Variants in ALK observed in about 807,000 individuals in gnomAD.
ALK encodes the protein ALK tyrosine kinase receptor.
Under a neutral mutation model 163.1 loss-of-function variants are expected in ALK, and 74 were observed. That is an observed-to-expected ratio of 0.45 (90% CI 0.38 to 0.55). The LOEUF (loss-of-function observed/expected upper bound fraction) is 0.55. Ranked by LOEUF, ALK falls within the 20% of genes least tolerant of loss-of-function variation. ALK has a pLI of 0.00. For missense variants in ALK, 2,063 were observed against 2,105.3 expected (o/e 0.98, Z 0.39); for synonymous variants, 960 against 843.2 (o/e 1.14, Z -2.40).
At chr2:29,859,296 G>A (rs948271980) in intron 1 of ALK, among the ~76,000 whole-genome samples, 1 of 152,206 alleles carries the variant, frequency 6.6e-6, no homozygotes, top group Non-Finnish European at 1.5e-5. Flanking sequence ...CAGGAGGTCA[G>A]GTCTGGGATG....
intron 4 of ALK, among the ~76,000 whole-genome samples, chr2:29,397,943 C>G (rs1417683314): frequency 1.3e-5 from 2 of 152,180 alleles, no homozygotes; most frequent in Non-Finnish European, 2.9e-5. Context: ...GGAGCTTTCC[C>G]GAACATAACA....
chr2:29,649,613 TA>T (rs1191487971), intron 3 of ALK, among the ~76,000 whole-genome samples: 1 of 152,026 alleles, frequency 6.6e-6, no homozygotes, highest in African/African-American at 2.4e-5. Context: ...TTTTCCTTAG[TA>T]GGGGGGCATT....
chr2:29,197,742 C>G, intron 26 of ALK, 66 bp from the exon 27 acceptor site: 1 of 1,277,734 alleles, frequency 7.8e-7, no homozygotes, highest in South Asian at 1.2e-5. Context: ...CACACACACA[C>G]AGGCACACAG....
intron 1 of ALK, among the ~76,000 whole-genome samples, chr2:29,795,546 T>C (rs996985930): frequency 4.9e-4 from 75 of 152,312 alleles, no homozygotes; most frequent in African/African-American, 1.8e-3. Context: ...CTGCAATCTT[T>C]ATAGGATAAA....
chr2:29,598,278 G>A (rs1331777317), intron 3 of ALK, among the ~76,000 whole-genome samples: 1 of 152,092 alleles, frequency 6.6e-6, no homozygotes, highest in African/African-American at 2.4e-5. Flanking sequence ...CACCCACCTC[G>A]GCCTCCCAAA....
chr2:29,641,877 C>A (rs1427964012), intron 3 of ALK, among the ~76,000 whole-genome samples: 3 of 152,092 alleles, frequency 2.0e-5, no homozygotes, highest in African/African-American at 7.2e-5. Context: ...AGTCTCTGGG[C>A]CTCAGTTTTG....
intron 4 of ALK, among the ~76,000 whole-genome samples, chr2:29,456,214 C>T (rs191673880): frequency 1.1e-3 from 174 of 152,204 alleles, no homozygotes; most frequent in African/African-American, 3.9e-3. Flanking sequence ...AATTCTACTC[C>T]TGGGCATATA....
At position 29,209,834 on chromosome 2, in the gene ALK, C is replaced by T. The variant is rs1174034094; in HGVS notation, c.3788G>A (p.Gly1263Glu). ...RNCLLTCPGP[G>E]RVAKIGDFGM... ...GAAGTCTCCAATCTTGGCCACTCTTCCAGGGCCTGGACAGGTCAAGAGGCA... is the reference window on the plus strand; with the variant it reads ...GAAGTCTCCAATCTTGGCCACTCTTTCAGGGCCTGGACAGGTCAAGAGGCA... Residue 1263 changes from glycine (G) to glutamate (E), a missense_variant, in exon 25 of 29, where the codon GGA becomes GAA. This residue lies in a region of ALK where 83 missense variants were observed against 139.7 expected (regional missense o/e 0.59). Transcript: ENST00000389048. 1.2e-6 allele frequency: 2 copies of T among 1,614,036 alleles called. No individual in the cohort carries two copies. Among genetic ancestry groups the T allele is most frequent in the African/African-American group, 1.3e-5 (1 of 74,926 alleles).
intron 3 of ALK, among the ~76,000 whole-genome samples, chr2:29,552,524 C>A (rs1250877460): frequency 2.0e-5 from 3 of 152,142 alleles, no homozygotes; most frequent in Non-Finnish European, 2.9e-5. Context: ...TGTTGTATTA[C>A]TTTAAAAAAA....
chr2:29,559,175 G>T (rs139435616), intron 3 of ALK, among the ~76,000 whole-genome samples: 121 of 152,288 alleles, frequency 7.9e-4, no homozygotes, highest in African/African-American at 2.6e-3. Flanking sequence ...ATGGTACAGA[G>T]AGCCCCCAAC....
chr2:29,848,980 C>A (rs1343274164), intron 1 of ALK, among the ~76,000 whole-genome samples: 3 of 152,160 alleles, frequency 2.0e-5, no homozygotes, highest in African/African-American at 7.2e-5. Flanking sequence ...CAGGACAGCC[C>A]AGAGACACCT....
chr2:29,621,117 G>A (rs1018519105), intron 3 of ALK, among the ~76,000 whole-genome samples: 3 of 152,100 alleles, frequency 2.0e-5, no homozygotes, highest in African/African-American at 4.8e-5. Context: ...GAGATTCACA[G>A]GCAGACTTTC....
intron 9 of ALK, among the ~76,000 whole-genome samples, chr2:29,277,930 A>T (rs1436129773): frequency 6.6e-6 from 1 of 152,248 alleles, no homozygotes. Flanking sequence ...AGAAATCGAC[A>T]TGAACGCTGC....
intron 1 of ALK, among the ~76,000 whole-genome samples, chr2:29,881,572 CT>C (rs1666867147): frequency 6.6e-6 from 1 of 152,174 alleles, no homozygotes; most frequent in Admixed American, 6.5e-5. Flanking sequence ...ACACAACAGG[CT>C]GCTGGCTGTC....
At chr2:29,637,658 G>A (rs899040250) in intron 3 of ALK, among the ~76,000 whole-genome samples, 14 of 138,058 alleles carry the variant, frequency 1.0e-4, no homozygotes, top group African/African-American at 3.9e-4. Context: ...GCAGTGAGCC[G>A]ACATTGCACC....
intron 1 of ALK, among the ~76,000 whole-genome samples, chr2:29,830,713 T>TAAAA (rs530774574): frequency 7.9e-4 from 23 of 28,996 alleles, no homozygotes; most frequent in African/African-American, 1.5e-3. Flanking sequence ...TAAAATAGTT[T>TAAAA]AAAAAAAAAA....
intron 3 of ALK, among the ~76,000 whole-genome samples, chr2:29,566,130 C>A (rs1482043678): frequency 2.0e-5 from 3 of 152,172 alleles, no homozygotes; most frequent in East Asian, 3.9e-4. Context: ...GCCACCCACC[C>A]AGGGTCACCC....
At chr2:29,679,328 GTTT>G (rs1460543483) in intron 3 of ALK, among the ~76,000 whole-genome samples, 1 of 151,382 alleles carries the variant, frequency 6.6e-6, no homozygotes, top group Non-Finnish European at 1.5e-5. Flanking sequence ...GATCTTGTGT[GTTT>G]TTTAGTTCCT....
chr2:29,506,987 C>T (rs1337443859), intron 4 of ALK, among the ~76,000 whole-genome samples: 1 of 152,076 alleles, frequency 6.6e-6, no homozygotes, highest in African/African-American at 2.4e-5. Flanking sequence ...AAATTAAAAG[C>T]CAAATTACCG....
Sources: gnomAD v4.1 joint callset for allele counts (sites outside exome capture counted in the v4.1 genomes callset) on GRCh38, gnomAD v4.1.1 for gene constraint, gnomAD v4.1.1 regional missense constraint, MANE v1.5 for transcripts, NCBI Gene and HGNC (gene_info 2026-07-23, HGNC 2026-07-21) for gene names.